The following MYCBP variants were observed in gnomAD, a reference collection of about 807,000 sequenced individuals.
MYCBP encodes the protein MYC binding protein.
Under a neutral mutation model 16.8 loss-of-function variants are expected in MYCBP, and 5 were observed. The observed-to-expected ratio is 0.30, with a 90% CI of 0.16 to 0.63. MYCBP has a LOEUF of 0.63. Ranked by LOEUF, MYCBP falls within the 20% of genes least tolerant of loss-of-function variation. The probability of loss-of-function intolerance (pLI) is 0.83; values close to 1 mark genes in which losing one functional copy is unlikely to be tolerated. For missense variants in MYCBP, 103 were observed against 121.8 expected (o/e 0.85, Z 0.73); for synonymous variants, 35 against 43.7 (o/e 0.80, Z 0.79).
Position 38,864,655 on chromosome 1 carries a change from A to C in MYCBP, c.*15T>G. 6.2e-7 allele frequency: 1 copy of C among 1,613,722 alleles called. No individual in the cohort carries two copies. The highest frequency in any genetic ancestry group is 8.5e-7 in the Non-Finnish European group (1 of 1,179,664). ...ACAAAACCATTTTTCATTGTCTTTC[A>C]AACTGAGAAGAATCCTATTCAGCAC... On this transcript the variant is annotated 3_prime_UTR_variant, in exon 5 of 5. Transcript: ENST00000397572.
chr1:38,867,389 G>A (rs1163992754), intron 3 of MYCBP, among the ~76,000 whole-genome samples, 173 bp downstream of exon 3: 1 of 148,786 alleles, frequency 6.7e-6, no homozygotes, highest in East Asian at 2.0e-4. Flanking sequence ...GGAGGTTGCA[G>A]TAAGCCAAGA....
At chr1:38,873,234 G>A in intron 1 of MYCBP, 57 bp downstream of exon 1, 1 of 1,590,690 alleles carries the variant, frequency 6.3e-7, no homozygotes. Flanking sequence ...CCCACCCAGA[G>A]CCGACCAGCG....
At position 38,873,278 on chromosome 1, in the gene MYCBP, G is replaced by A; in HGVS notation, c.15+13C>T. ...CCGCCCGCATGCCCCCAGCCACGCC[G>A]CGCCCCCCTCACTTTGTAATGGGCC... On this transcript the variant is annotated intron_variant, in intron 1 of 4. Transcript: ENST00000397572. 6.2e-7 allele frequency: 1 copy of A among 1,600,664 alleles called. No homozygotes were observed. The highest frequency in any genetic ancestry group is 8.5e-7 in the Non-Finnish European group (1 of 1,178,108).
chr1:38,865,084 A>AGTT (rs1195783606), intron 4 of MYCBP, among the ~76,000 whole-genome samples: 1 of 152,268 alleles, frequency 6.6e-6, no homozygotes, highest in African/African-American at 2.4e-5. Context: ...GTAGATAAAG[A>AGTT]GTTAAGTGAC....
rs570323779 is a variant in MYCBP, at chr1:38,868,681, A to G, written c.89-1071T>C. On this transcript the variant is annotated intron_variant, in intron 2 of 4. Coordinates refer to ENST00000397572, the MANE Select transcript of MYCBP (RefSeq NM_012333.5). ...AGCACTTTGGGAGGCCAAGGCGGGC[A>G]GATCACGAAGTCAGGAGATCAAGAC... Among the ~76,000 whole-genome samples, 370 of 152,264 alleles carry G rather than the reference A, an allele frequency of 2.4e-3. 2 individuals are homozygous for G. Among genetic ancestry groups the G allele is most frequent in the Non-Finnish European group, 4.1e-3 (282 of 68,010 alleles).
At position 38,866,985 on chromosome 1, in the gene MYCBP, A is replaced by G; in HGVS notation, c.162T>C (p.Ala54=). 2 of 1,611,282 alleles carry G rather than the reference A, an allele frequency of 1.2e-6. No individual in the cohort carries two copies. Among genetic ancestry groups the G allele is most frequent in the Non-Finnish European group, 1.7e-6 (2 of 1,178,662 alleles). The change falls in exon 4 of 5, where the codon GCT becomes GCC. Residue 54 remains alanine (A), a synonymous_variant. Transcript: ENST00000397572. ...CTATTTCTGGATTTTCTGGAGTAGC[A>G]GCTCCTAAGTGATGCTTTAAAAAAC... The part of the protein sequence containing the change: ...ALDFLKHHLG[A]ATPENPEIEL...
intron 2 of MYCBP, among the ~76,000 whole-genome samples, chr1:38,870,532 G>T (rs867845199): frequency 2.0e-5 from 3 of 151,008 alleles, no homozygotes; most frequent in African/African-American, 7.3e-5. Flanking sequence ...GGTGGCTCAC[G>T]CCTGTAATCC....
chr1:38,870,795 G>A (rs1196510541), intron 2 of MYCBP, among the ~76,000 whole-genome samples: 12 of 57,824 alleles, frequency 2.1e-4, no homozygotes, highest in East Asian at 4.8e-4. Flanking sequence ...GCGAGACTCC[G>A]TCTCAAAAAA....
Position 38,864,502 on chromosome 1 carries a change from T to TA in MYCBP, c.*167dup. The TA allele has an allele frequency of 1.4e-6, 1 of 720,676 alleles. No individual in the cohort carries two copies. Among genetic ancestry groups the TA allele is most frequent in the Non-Finnish European group, 2.3e-6 (1 of 432,194 alleles). The allele number at this position is 720,676 out of a possible 1,614,324, so 44.6% of individuals were successfully genotyped here. A position where few individuals can be genotyped will look rare whatever the true frequency, so the allele number is the denominator to read the frequency against. ...TCCTGCTTTAAGACCCAAAGAAAGT[T>TA]ATATTGAGTTTTTATTGATGATTCT... is the stretch of plus-strand genomic sequence containing the variant. On this transcript the variant is annotated 3_prime_UTR_variant, in exon 5 of 5. Coordinates refer to ENST00000397572, the MANE Select transcript of MYCBP (RefSeq NM_012333.5).
rs1642284417 is a variant in MYCBP at position 38,863,771 on chromosome 1, AG to A, written c.*898del. On this transcript the variant is annotated 3_prime_UTR_variant, in exon 5 of 5. Coordinates refer to ENST00000397572, the MANE Select transcript of MYCBP (RefSeq NM_012333.5). Reference sequence around the variant, plus strand: ...GGATAATGAAGATAAAATGAATTCAAGGCTAGAAAAATACTTTGAGGGAGAA... The same window carrying A: ...GGATAATGAAGATAAAATGAATTCAAGCTAGAAAAATACTTTGAGGGAGAA... 6.6e-6 allele frequency: 1 copy of A among 152,652 alleles called. No homozygotes were observed. The highest frequency in any genetic ancestry group is 1.5e-5 in the Non-Finnish European group (1 of 68,044). 9.5% of individuals were successfully genotyped at this position (152,652 alleles called of 1,614,324 possible).
intron 2 of MYCBP, among the ~76,000 whole-genome samples, chr1:38,870,815 A>C (rs1227780585): frequency 3.5e-5 from 5 of 143,990 alleles, no homozygotes; most frequent in Admixed American, 1.3e-4. Context: ...AAAAAAAAAA[A>C]AAAAAAAAAA....
At chr1:38,871,716 C>T (rs1642471641) in intron 2 of MYCBP, among the ~76,000 whole-genome samples, 1 of 151,946 alleles carries the variant, frequency 6.6e-6, no homozygotes, top group Admixed American at 6.6e-5. Flanking sequence ...CTGGCCTCAC[C>T]TGTTACTCTT....
intron 1 of MYCBP, 99 bp downstream of exon 1, chr1:38,873,192 C>G (rs1642505442): frequency 5.8e-6 from 9 of 1,562,158 alleles, no homozygotes; most frequent in Non-Finnish European, 6.9e-6. Context: ...CCTCGGGGCC[C>G]TCCCGCCCAA....
chr1:38,865,712 G>C (rs1186382578), intron 4 of MYCBP, among the ~76,000 whole-genome samples: 1 of 152,004 alleles, frequency 6.6e-6, no homozygotes, highest in Non-Finnish European at 1.5e-5. Context: ...AGAGGTGGGG[G>C]GATTACTTGA....
rs780507329 is a variant in MYCBP at position 38,862,584 on chromosome 1, A to G, written c.*2086T>C. Among the ~76,000 whole-genome samples, 10 of 152,246 alleles carry G rather than the reference A, an allele frequency of 6.6e-5. No individual in the cohort carries two copies. Among genetic ancestry groups the G allele is most frequent in the Non-Finnish European group, 1.3e-4 (9 of 68,048 alleles). On this transcript the variant is annotated 3_prime_UTR_variant, in exon 5 of 5. Transcript: ENST00000397572. ...GATATTTTATAGACAAAGCAGCTGA[A>G]GCATAATAGGAGCTTAACTGGTGGG...
chr1:38,873,331 G>T lies in MYCBP; in HGVS notation c.-26C>A, dbSNP rs1335821642. 1 of 1,599,352 alleles carries T rather than the reference G, an allele frequency of 6.3e-7. No homozygotes were observed. Among genetic ancestry groups the T allele is most frequent in the South Asian group, 1.1e-5 (1 of 90,554 alleles). On this transcript the variant is annotated 5_prime_UTR_variant, in exon 1 of 5. Transcript: ENST00000397572. ...AGTGACAGCGGCAGCGGCGTAGCTG[G>T]CGCCGGAGACCGCGACTGGCGGGTT... is the stretch of plus-strand genomic sequence containing the variant.
rs1425175839 is a variant in MYCBP at position 38,867,029 on chromosome 1, C to T, written c.138-20G>A. 1 of 1,597,738 alleles carries T rather than the reference C, an allele frequency of 6.3e-7. No individual in the cohort carries two copies. Among genetic ancestry groups the T allele is most frequent in the South Asian group, 1.1e-5 (1 of 89,638 alleles). On this transcript the variant is annotated intron_variant, in intron 3 of 4. Transcript: ENST00000397572. ...AAAAAACTATTATCAATGTTAAGAACTTACTTCTTAGACATGAATGAAACT... is the reference window on the plus strand; with the variant it reads ...AAAAAACTATTATCAATGTTAAGAATTTACTTCTTAGACATGAATGAAACT...
At chr1:38,868,939 A>C (rs1434441726) in intron 2 of MYCBP, among the ~76,000 whole-genome samples, 1 of 152,072 alleles carries the variant, frequency 6.6e-6, no homozygotes, top group Non-Finnish European at 1.5e-5. Context: ...AAACAAAAAA[A>C]CAGTGATAGA....
intron 2 of MYCBP, among the ~76,000 whole-genome samples, chr1:38,870,332 G>A (rs562724720): frequency 2.0e-5 from 3 of 152,078 alleles, no homozygotes; most frequent in Admixed American, 2.0e-4. Flanking sequence ...GGGCGACAGA[G>A]ACCTTGTCTC....
Sources: allele counts gnomAD v4.1 joint callset (sites outside exome capture counted in the v4.1 genomes callset), GRCh38; gene constraint gnomAD v4.1.1; transcripts MANE v1.5; gene names NCBI Gene and HGNC (gene_info 2026-07-23, HGNC 2026-07-21).